The following FAM117A variants were observed in gnomAD, a reference collection of about 807,000 sequenced individuals.
FAM117A encodes the protein family with sequence similarity 117 member A, also known as protein FAM117A.
Under a neutral mutation model 44.1 loss-of-function variants are expected in FAM117A, and 21 were observed. That is an observed-to-expected ratio of 0.48 (90% confidence interval 0.34 to 0.69). The LOEUF (loss-of-function observed/expected upper bound fraction) is 0.69, where lower values mean the gene tolerates loss of function less well. Ranked by LOEUF, FAM117A falls within the 30% of genes least tolerant of loss-of-function variation. The probability of loss-of-function intolerance (pLI) is 0.01; values close to 1 mark genes in which losing one functional copy is unlikely to be tolerated. For synonymous variants in FAM117A, 220 were observed against 238.3 expected (o/e 0.92, Z 0.71); for missense variants, 498 against 589.9 (o/e 0.84, Z 1.61).
chr17:49,757,410 G>T (rs1029234675), intron 1 of FAM117A, among the ~76,000 whole-genome samples: 1 of 152,176 alleles, frequency 6.6e-6, no homozygotes, highest in Admixed American at 6.5e-5. Flanking sequence ...AGTAAGGGTC[G>T]ATCAAGGCAT....
chr17:49,754,136 CT>C (rs2073688122), intron 1 of FAM117A, among the ~76,000 whole-genome samples: 1 of 152,064 alleles, frequency 6.6e-6, no homozygotes, highest in Non-Finnish European at 1.5e-5. Context: ...AACCCCACCC[CT>C]GGCTTATGTC....
At chr17:49,732,994 C>T in intron 1 of FAM117A, 1 of 404,144 alleles carries the variant, frequency 2.5e-6, no homozygotes. Flanking sequence ...CCTTTTCCTG[C>T]TCCTAATGGA....
intron 5 of FAM117A, among the ~76,000 whole-genome samples, chr17:49,719,099 T>G (rs1351513977): frequency 6.6e-6 from 1 of 150,740 alleles, no homozygotes; most frequent in Non-Finnish European, 1.5e-5. Context: ...CCATCTCTAT[T>G]AAAAATACAA....
At chr17:49,725,462 CAAAGA>C (rs2073555552) in intron 2 of FAM117A, among the ~76,000 whole-genome samples, 1 of 152,234 alleles carries the variant, frequency 6.6e-6, no homozygotes, top group Middle Eastern at 3.4e-3. Context: ...AAAAATACAG[CAAAGA>C]AAAGGGATAG....
At chr17:49,789,067 A>C, upstream of FAM117A, 1 of 414,880 alleles carries the variant, frequency 2.4e-6, no homozygotes, top group Non-Finnish European at 4.4e-6. Context: ...GCTTGCCTGG[A>C]TCGGAGGCGT....
At chr17:49,770,527 C>G (rs2073758032) in intron 1 of FAM117A, among the ~76,000 whole-genome samples, 1 of 152,154 alleles carries the variant, frequency 6.6e-6, no homozygotes, top group Admixed American at 6.5e-5. Context: ...CCAATGGACA[C>G]TTTTTCGAAC....
intron 1 of FAM117A, among the ~76,000 whole-genome samples, chr17:49,755,425 G>A (rs1240203693): frequency 6.6e-6 from 1 of 152,214 alleles, no homozygotes; most frequent in East Asian, 1.9e-4. Context: ...TGAAAAGACA[G>A]TTAGCATTCA....
intron 5 of FAM117A, among the ~76,000 whole-genome samples, chr17:49,718,720 C>T (rs1476306563): frequency 2.0e-5 from 3 of 151,424 alleles, no homozygotes; most frequent in Non-Finnish European, 2.9e-5. Context: ...CGGTGGCTCA[C>T]GCCTGTAATC....
At chr17:49,712,608 C>T (rs2073484021) in intron 7 of FAM117A, among the ~76,000 whole-genome samples, 2 of 151,966 alleles carry the variant, frequency 1.3e-5, no homozygotes, top group Non-Finnish European at 2.9e-5. Flanking sequence ...CCTCCCCGGT[C>T]CAAGCAATCC....
chr17:49,774,308 G>A (rs532021184), intron 1 of FAM117A, among the ~76,000 whole-genome samples: 8 of 150,744 alleles, frequency 5.3e-5, no homozygotes, highest in African/African-American at 2.0e-4. Context: ...GCCACACCTG[G>A]CTAATTTTTG....
At position 49,771,031 on chromosome 17, in the gene FAM117A, A is replaced by AC. The variant is rs34661101; in HGVS notation, c.-621+17465dup. ...AGACCAGCCTGGCCAACATGGAGAC[A>AC]CCCCCATCTCTACTAAAAATACAAA... On this transcript the variant is annotated intron_variant, in intron 1 of 7. Coordinates refer to the FAM117A transcript ENST00000513602. Among the ~76,000 whole-genome samples, 390 of 152,062 alleles carry AC rather than the reference A, an allele frequency of 2.6e-3. 7 individuals carry two copies. Among genetic ancestry groups the AC allele is most frequent in the Admixed American group, 0.019 (292 of 15,274 alleles).
At chr17:49,767,306 A>C (rs2073748317), upstream of FAM117A, among the ~76,000 whole-genome samples, 1 of 152,232 alleles carries the variant, frequency 6.6e-6, no homozygotes, top group Non-Finnish European at 1.5e-5. Flanking sequence ...AAAGCATCTA[A>C]CTTGCAACAA....
At chr17:49,775,808 A>C (rs1415812449) in intron 1 of FAM117A, among the ~76,000 whole-genome samples, 1 of 151,988 alleles carries the variant, frequency 6.6e-6, no homozygotes, top group African/African-American at 2.4e-5. Flanking sequence ...AATATCACAC[A>C]AGTTGGCACC....
intron 1 of FAM117A, among the ~76,000 whole-genome samples, chr17:49,780,737 A>G (rs960742491): frequency 1.3e-5 from 2 of 152,074 alleles, no homozygotes; most frequent in African/African-American, 4.8e-5. Flanking sequence ...TTTCAGTAGT[A>G]TGTGATCTTG....
At chr17:49,732,229 A>T (rs1267295035) in intron 2 of FAM117A, 1 of 198,602 alleles carries the variant, frequency 5.0e-6, no homozygotes, top group Non-Finnish European at 1.1e-5. Flanking sequence ...ATTTCCATAT[A>T]AGTTTACAAA....
chr17:49,734,232 A>G (rs1293419908), intron 1 of FAM117A, among the ~76,000 whole-genome samples: 2 of 152,100 alleles, frequency 1.3e-5, no homozygotes, highest in Non-Finnish European at 2.9e-5. Context: ...AATAATTCAC[A>G]TGTATTTAGC....
At chr17:49,745,231 G>C (rs1167830765) in intron 1 of FAM117A, among the ~76,000 whole-genome samples, 1 of 152,108 alleles carries the variant, frequency 6.6e-6, no homozygotes, top group Non-Finnish European at 1.5e-5. Flanking sequence ...TCCCTCCAGT[G>C]ATTTCAAAGG....
At chr17:49,747,946 G>A (rs1219516962) in intron 1 of FAM117A, among the ~76,000 whole-genome samples, 2 of 152,200 alleles carry the variant, frequency 1.3e-5, no homozygotes, top group Non-Finnish European at 2.9e-5. Flanking sequence ...AGCAAGATTA[G>A]ATGGCCCTTC....
At chr17:49,725,627 A>C (rs1296393270) in intron 2 of FAM117A, among the ~76,000 whole-genome samples, 2 of 152,232 alleles carry the variant, frequency 1.3e-5, no homozygotes, top group Non-Finnish European at 2.9e-5. Context: ...GCCAGTGCAA[A>C]GGCCCTGTGG....
Sources: allele counts gnomAD v4.1 joint callset (sites outside exome capture counted in the v4.1 genomes callset), GRCh38; gene constraint gnomAD v4.1.1; transcripts MANE v1.5; gene names NCBI Gene and HGNC (gene_info 2026-07-23, HGNC 2026-07-21).